The following CSMD3 variants were observed in gnomAD, a reference collection of about 807,000 sequenced individuals.
CSMD3 encodes CUB and sushi domain-containing protein 3.
A neutral mutation model predicts 435.2 loss-of-function variants in CSMD3; 177 were observed. The observed-to-expected ratio is 0.41, with a 90% CI of 0.36 to 0.46. The LOEUF (loss-of-function observed/expected upper bound fraction) is 0.46. CSMD3 is among the 20% of genes least tolerant of loss of function. CSMD3 has a pLI of 0.34. For missense variants in CSMD3, 4,265 were observed against 4,504.6 expected (o/e 0.95, Z 1.52); for synonymous variants, 1,656 against 1,520.5 (o/e 1.09, Z -2.07).
intron 22 of CSMD3, among the ~76,000 whole-genome samples, chr8:112,604,280 G>A (rs1286132919): frequency 6.6e-6 from 1 of 152,056 alleles, no homozygotes; most frequent in Non-Finnish European, 1.5e-5. Context: ...TTTTGCTTAG[G>A]ATGTCATTGG....
At chr8:113,398,689 C>A (rs1017048761) in intron 1 of CSMD3, among the ~76,000 whole-genome samples, 1 of 152,040 alleles carries the variant, frequency 6.6e-6, no homozygotes, top group African/African-American at 2.4e-5. Flanking sequence ...TTATTATTAG[C>A]ATTGTTCAAT....
chr8:112,406,543 A>G lies in CSMD3; in HGVS notation c.5790T>C (p.Asp1930=), dbSNP rs776850245. The change falls in exon 35 of 71, where the codon GAT becomes GAC. Residue 1930 remains aspartate, a synonymous_variant. Transcript: ENST00000297405. ...ACTCACCAATACAAGTAGGTAAGGA[A>G]TCATTCCACTGGGCCAAAGAATTGG... The part of the protein sequence containing the change: ...TVPNSLAQWN[D]SLPTCIVPCG... 1 of 1,608,998 alleles carries G rather than the reference A, an allele frequency of 6.2e-7. No individual in the cohort carries two copies. The highest frequency in any genetic ancestry group is 1.7e-5 in the Admixed American group (1 of 59,910).
At chr8:112,922,345 T>C (rs985909885) in intron 9 of CSMD3, among the ~76,000 whole-genome samples, 1 of 152,074 alleles carries the variant, frequency 6.6e-6, no homozygotes, top group Admixed American at 6.6e-5. Flanking sequence ...CCCTCATGAA[T>C]TTATCCTTTG....
intron 6 of CSMD3, among the ~76,000 whole-genome samples, chr8:112,989,179 C>T (rs2085358452): frequency 6.6e-6 from 1 of 151,904 alleles, no homozygotes; most frequent in Non-Finnish European, 1.5e-5. Flanking sequence ...GGTAGTGAAA[C>T]ACAAAGTGAT....
At chr8:113,120,331 T>G (rs914899902) in intron 4 of CSMD3, among the ~76,000 whole-genome samples, 3 of 152,156 alleles carry the variant, frequency 2.0e-5, no homozygotes, top group Non-Finnish European at 4.4e-5. Context: ...ATATATTCAT[T>G]GTTTTCTAAA....
chr8:112,907,707 A>G (rs997997411), intron 10 of CSMD3, among the ~76,000 whole-genome samples: 6 of 151,382 alleles, frequency 4.0e-5, no homozygotes, highest in African/African-American at 1.5e-4. Flanking sequence ...GATTGGAACT[A>G]AGAAGAAATA....
intron 13 of CSMD3, among the ~76,000 whole-genome samples, chr8:112,724,310 G>A (rs9650048): frequency 0.38 from 57,360 of 151,782 alleles, 12,151 homozygotes; most frequent in African/African-American, 0.58. Flanking sequence ...CGAGAAATCA[G>A]GTATAGTTAT....
In CSMD3 at chr8:112,654,018, TA is replaced by T. The variant is rs554334866; in HGVS notation, c.3004+2135del. Among the ~76,000 whole-genome samples the T allele has an allele frequency of 4.8e-3, 667 of 140,326 alleles. 13 individuals are homozygous for T. The East Asian group carries it at 0.068, about 14-fold the overall frequency. The allele number at this position is 140,326 out of a possible 152,430, so 92.1% of individuals were successfully genotyped here. On this transcript the variant is annotated intron_variant, in intron 18 of 70. Coordinates refer to ENST00000297405, the MANE Select transcript of CSMD3 (RefSeq NM_198123.2). ...GTTTTGGGGGGCAGATAGAATGGGGTAAAAAAAAAGAATGGGGTAAAAAATA... is the reference window on the plus strand; with the variant it reads ...GTTTTGGGGGGCAGATAGAATGGGGTAAAAAAAAGAATGGGGTAAAAAATA...
intron 4 of CSMD3, among the ~76,000 whole-genome samples, chr8:113,152,575 A>G (rs2091833922): frequency 6.6e-6 from 1 of 152,124 alleles, no homozygotes; most frequent in African/African-American, 2.4e-5. Flanking sequence ...AACAACAATG[A>G]TATAAAATTA....
rs1812286406 is a variant in CSMD3 at position 112,222,962 on chromosome 8, T to C, written c.*1809A>G. On this transcript the variant is annotated 3_prime_UTR_variant, in exon 71 of 71. Transcript: ENST00000297405. ...AGCAATTATCCATTTTTATTTTGTT[T>C]ACATTGCACTGAAAATTTACATCAT... The C allele has an allele frequency of 2.5e-6, 1 of 396,818 alleles. No homozygotes were observed. The highest frequency in any genetic ancestry group is 2.1e-5 in the African/African-American group (1 of 48,718). The allele number at this position is 396,818 out of a possible 1,614,324, so 24.6% of individuals were successfully genotyped here.
At chr8:112,381,712 T>A (rs1829472673) in intron 37 of CSMD3, among the ~76,000 whole-genome samples, 1 of 152,072 alleles carries the variant, frequency 6.6e-6, no homozygotes, top group Non-Finnish European at 1.5e-5. Flanking sequence ...ACTTAAAAGG[T>A]CATTTCACCT....
intron 3 of CSMD3, among the ~76,000 whole-genome samples, chr8:113,267,486 C>A (rs2093480690): frequency 6.6e-6 from 1 of 151,600 alleles, no homozygotes; most frequent in Non-Finnish European, 1.5e-5. Context: ...GTGAAATAAA[C>A]CAAGCACAAA....
chr8:113,388,733 A>G (rs2133140743), intron 1 of CSMD3, among the ~76,000 whole-genome samples: 1 of 151,790 alleles, frequency 6.6e-6, no homozygotes, highest in Admixed American at 6.6e-5. Context: ...ATTTACCAGC[A>G]TACATTCCTT....
intron 5 of CSMD3, among the ~76,000 whole-genome samples, chr8:113,066,143 A>G (rs2088849357): frequency 6.6e-6 from 1 of 150,604 alleles, no homozygotes; most frequent in African/African-American, 2.4e-5. Context: ...AAAAAAAAAA[A>G]GAAAGAAAAA....
chr8:112,524,857 G>A (rs763480838), intron 27 of CSMD3, among the ~76,000 whole-genome samples: 6 of 151,822 alleles, frequency 4.0e-5, no homozygotes, highest in Admixed American at 6.6e-5. Context: ...AAAATAACGT[G>A]CAAAATAATC....
chr8:112,443,592 TG>T (rs1378608366), intron 32 of CSMD3, among the ~76,000 whole-genome samples: 8 of 152,164 alleles, frequency 5.3e-5, no homozygotes, highest in African/African-American at 1.7e-4. Context: ...TTTCTTTTTA[TG>T]TTTTTTTGGT....
intron 9 of CSMD3, among the ~76,000 whole-genome samples, chr8:112,943,679 T>C (rs1321777501): frequency 6.6e-6 from 1 of 151,796 alleles, no homozygotes; most frequent in Non-Finnish European, 1.5e-5. Flanking sequence ...TTCTTCTGGG[T>C]GATTTCCATA....
chr8:112,922,351 C>T (rs547660899), intron 9 of CSMD3, among the ~76,000 whole-genome samples: 2 of 151,844 alleles, frequency 1.3e-5, no homozygotes, highest in Non-Finnish European at 2.9e-5. Flanking sequence ...TGAATTTATC[C>T]TTTGTGTTAC....
chr8:113,138,236 T>C (rs993750902), intron 4 of CSMD3, among the ~76,000 whole-genome samples: 4 of 151,454 alleles, frequency 2.6e-5, no homozygotes, highest in South Asian at 4.1e-4. Flanking sequence ...TCATCCATAA[T>C]TGTGGACATG....
Sources: allele counts gnomAD v4.1 joint callset (sites outside exome capture counted in the v4.1 genomes callset), GRCh38; gene constraint gnomAD v4.1.1; transcripts MANE v1.5; gene names NCBI Gene and HGNC (gene_info 2026-07-23, HGNC 2026-07-21).